ORMDL1: variants seen among roughly 807,000 people sequenced by gnomAD.
ORMDL1 encodes the protein ORMDL sphingolipid biosynthesis regulator 1.
A neutral mutation model predicts 13.0 loss-of-function variants in ORMDL1; 10 were observed. The observed-to-expected ratio is 0.77, with a 90% CI of 0.47 to 1.30. The LOEUF is 1.30. Ranked by LOEUF, ORMDL1 falls within the 50% of genes most tolerant of loss-of-function variation. The pLI, the probability that ORMDL1 is intolerant of heterozygous loss-of-function variation, is 0.00. For synonymous variants in ORMDL1, 61 were observed against 63.9 expected (o/e 0.95, Z 0.22); for missense variants, 171 against 186.7 (o/e 0.92, Z 0.49).
At chr2:189,782,768 G>A in intron 2 of ORMDL1, 166 bp from the exon 3 acceptor site, 1 of 548,208 alleles carries the variant, frequency 1.8e-6, no homozygotes, top group Admixed American at 3.4e-5. Flanking sequence ...GCTGATGACA[G>A]CAGTAAAGAA....
downstream of ORMDL1, chr2:189,770,210 T>G (rs964669207): frequency 1.3e-5 from 2 of 152,150 alleles, no homozygotes; most frequent in Non-Finnish European, 1.5e-5. Flanking sequence ...AACTTTAAAA[T>G]AAAGAAAAAT....
chr2:189,783,880 GTGA>G (rs2106166147), intron 1 of ORMDL1, among the ~76,000 whole-genome samples: 1 of 152,296 alleles, frequency 6.6e-6, no homozygotes, highest in Admixed American at 6.5e-5. Context: ...CTTACAGACC[GTGA>G]AGAGGCTGTT....
At chr2:189,767,384 TC>T (rs1169128665), downstream of ORMDL1, among the ~76,000 whole-genome samples, 2 of 152,206 alleles carry the variant, frequency 1.3e-5, no homozygotes, top group Non-Finnish European at 2.9e-5. Context: ...GCTTCGCTGT[TC>T]CCCCTGTAAA....
At chr2:189,768,387 T>C (rs2047517047), downstream of ORMDL1, among the ~76,000 whole-genome samples, 1 of 152,220 alleles carries the variant, frequency 6.6e-6, no homozygotes, top group South Asian at 2.1e-4. Context: ...ATTTGTGTTC[T>C]TCATGACTAG....
Position 189,783,122 on chromosome 2 carries a change from T to C in ORMDL1, c.-116A>G, listed in dbSNP as rs1232786835. ...CTGAATACTCAATGTGGAAGGTACA[T>C]GCTGTTGACATAATGTGGTGTAAAA... is the stretch of plus-strand genomic sequence containing the variant. On this transcript the variant is annotated splice_region_variant and 5_prime_UTR_variant, in exon 2 of 5. An upstream start codon of the reference 5' UTR is lost. Transcript: ENST00000392349. The C allele has an allele frequency of 2.0e-5, 3 of 153,166 alleles. No homozygotes were observed. The highest frequency in any genetic ancestry group is 1.5e-5 in the Non-Finnish European group (1 of 68,636). The allele number at this position is 153,166 out of a possible 1,614,324, so 9.5% of individuals were successfully genotyped here.
At chr2:189,779,039 A>G (rs2047763656) in intron 3 of ORMDL1, among the ~76,000 whole-genome samples, 1 of 152,118 alleles carries the variant, frequency 6.6e-6, no homozygotes, top group Non-Finnish European at 1.5e-5. Context: ...TCAGCTGAGC[A>G]TGGTGGCACA....
downstream of ORMDL1, among the ~76,000 whole-genome samples, chr2:189,769,003 A>G (rs1203623561): frequency 6.7e-6 from 1 of 149,108 alleles, no homozygotes; most frequent in Non-Finnish European, 1.5e-5. Context: ...TTACAAAAAT[A>G]GAATATACTG....
chr2:189,779,926 T>A (rs922599901), intron 3 of ORMDL1, among the ~76,000 whole-genome samples: 1 of 152,216 alleles, frequency 6.6e-6, no homozygotes, highest in Non-Finnish European at 1.5e-5. Flanking sequence ...TAATCTCTTG[T>A]AGTAGTTATT....
intron 3 of ORMDL1, 88 bp from the exon 4 acceptor site, chr2:189,775,804 T>C (rs1487329654): frequency 7.9e-7 from 1 of 1,261,516 alleles, no homozygotes; most frequent in Non-Finnish European, 1.1e-6. Flanking sequence ...CCAAGCTGTT[T>C]GTGAGAGTGT....
At chr2:189,781,977 CTGTCA>C (rs2047850104) in intron 3 of ORMDL1, among the ~76,000 whole-genome samples, 1 of 149,142 alleles carries the variant, frequency 6.7e-6, no homozygotes, top group Non-Finnish European at 1.5e-5. Context: ...AAATCTCACT[CTGTCA>C]CCTAGGCTGG....
At chr2:189,778,977 A>G (rs535342722) in intron 3 of ORMDL1, among the ~76,000 whole-genome samples, 1 of 152,270 alleles carries the variant, frequency 6.6e-6, no homozygotes, top group East Asian at 1.9e-4. Context: ...TGAGGTCAGG[A>G]GTTTGAGACT....
intron 3 of ORMDL1, 92 bp from the exon 4 acceptor site, chr2:189,775,808 A>G: frequency 7.9e-7 from 1 of 1,261,604 alleles, no homozygotes; most frequent in Non-Finnish European, 1.1e-6. Flanking sequence ...GCTGTTTGTG[A>G]GAGTGTGTGA....
intron 3 of ORMDL1, among the ~76,000 whole-genome samples, chr2:189,781,248 C>G (rs2047821113): frequency 6.6e-6 from 1 of 152,046 alleles, no homozygotes; most frequent in Admixed American, 6.6e-5. Flanking sequence ...TTTTAAAAAT[C>G]AATTTCTCCT....
At chr2:189,782,639 A>T in intron 2 of ORMDL1, 37 bp from the exon 3 acceptor site, 4 of 1,572,540 alleles carry the variant, frequency 2.5e-6, no homozygotes, top group Non-Finnish European at 3.5e-6. Context: ...CACTGATACA[A>T]CTGGCAACCT....
chr2:189,768,968 G>A (rs1225109), downstream of ORMDL1, among the ~76,000 whole-genome samples: 149,496 of 152,322 alleles, frequency 0.98, 73,421 homozygotes, highest in South Asian at 1. Context: ...TTTTTGACTC[G>A]ATATACAACA....
rs189577098 is a variant in ORMDL1, at chr2:189,772,286, T to C, written c.327-384A>G. Among the ~76,000 whole-genome samples the C allele has an allele frequency of 1.3e-3, 177 of 131,658 alleles. 1 individual carries two copies. Among genetic ancestry groups the C allele is most frequent in the African/African-American group, 6.2e-3 (169 of 27,252 alleles). The allele number at this position is 131,658 out of a possible 152,430, so 86.4% of individuals were successfully genotyped here. A position where few individuals can be genotyped will look rare whatever the true frequency, so the allele number is the denominator to read the frequency against. On this transcript the variant is annotated intron_variant, in intron 4 of 4. Coordinates refer to ENST00000392349, the MANE Select transcript of ORMDL1 (RefSeq NM_016467.5). ...GCATTCATCTTATTCTCAAAAAGTT[T>C]TGTGACTCACAGGTTAAGAACCTGT...
chr2:189,774,937 T>C (rs1166848305), intron 4 of ORMDL1: 1 of 152,196 alleles, frequency 6.6e-6, no homozygotes, highest in East Asian at 1.9e-4. Flanking sequence ...GAACATCAGA[T>C]AGGAGAAAGA....
In ORMDL1 at chr2:189,770,401, C is replaced by T. The variant is rs1266327190; in HGVS notation, c.*1366G>A. ...AAATACACGGGAAAAGACAGACATA[C>T]AAAGGTAGTATCATACAACTGATTT... On this transcript the variant is annotated 3_prime_UTR_variant, in exon 5 of 5. Coordinates refer to ENST00000392349, the MANE Select transcript of ORMDL1 (RefSeq NM_016467.5). 6.6e-6 allele frequency: 1 copy of T among 151,980 alleles called. No individual in the cohort carries two copies. The highest frequency in any genetic ancestry group is 6.6e-5 in the Admixed American group (1 of 15,266). The allele number at this position is 151,980 out of a possible 1,614,324, so 9.4% of individuals were successfully genotyped here.
At chr2:189,773,684 T>G (rs922704866) in intron 4 of ORMDL1, among the ~76,000 whole-genome samples, 1 of 117,396 alleles carries the variant, frequency 8.5e-6, no homozygotes, top group Non-Finnish European at 1.6e-5. Context: ...ATTATGCCAC[T>G]GCACTCCGGC....
Sources: allele counts gnomAD v4.1 joint callset (sites outside exome capture counted in the v4.1 genomes callset), GRCh38; gene constraint gnomAD v4.1.1; transcripts MANE v1.5; gene names NCBI Gene and HGNC (gene_info 2026-07-23, HGNC 2026-07-21).